Variants in ZC3H12B observed in about 807,000 individuals in gnomAD.
ZC3H12B encodes zinc finger CCCH-type containing 12B, also known as probable ribonuclease ZC3H12B.
Under a neutral mutation model 43.9 loss-of-function variants are expected in ZC3H12B, and 7 were observed. The ratio of observed to expected loss-of-function variants is 0.16; its 90% CI spans 0.09 to 0.30. The LOEUF (loss-of-function observed/expected upper bound fraction) is 0.30, where lower values mean the gene tolerates loss of function less well. Ranked by LOEUF, ZC3H12B falls within the 10% of genes least tolerant of loss-of-function variation. ZC3H12B has a pLI of 1.00. For synonymous variants in ZC3H12B, 222 were observed against 241.7 expected (o/e 0.92, Z 0.76); for missense variants, 475 against 670.2 (o/e 0.71, Z 3.22).
chrX:65,153,123 A>C, the ZC3H12B span, among the ~76,000 whole-genome samples: 1 of 112,369 alleles, frequency 8.9e-6, no homozygotes, highest in African/African-American at 3.2e-5. Context: ...CTAAAACCAT[A>C]AAAACCCTAG....
chrX:65,187,653 T>C, the ZC3H12B span, among the ~76,000 whole-genome samples: 1 of 109,306 alleles, frequency 9.1e-6, no homozygotes, highest in East Asian at 2.9e-4. Flanking sequence ...TTATTGATTT[T>C]ACTTTTTTTT....
the ZC3H12B span, among the ~76,000 whole-genome samples, chrX:65,157,907 T>G: frequency 1.1e-5 from 1 of 91,159 alleles, no homozygotes; most frequent in Non-Finnish European, 2.3e-5. Context: ...TATCTCCTAA[T>G]GCTATCCCTC....
At chrX:65,206,313 G>A in the ZC3H12B span, among the ~76,000 whole-genome samples, 2 of 111,771 alleles carry the variant, frequency 1.8e-5, no homozygotes, top group East Asian at 2.8e-4. Context: ...ATAAAAATAG[G>A]CACATAAAAC....
chrX:65,153,748 A>C, the ZC3H12B span, among the ~76,000 whole-genome samples: 2 of 111,903 alleles, frequency 1.8e-5, no homozygotes, highest in Non-Finnish European at 3.8e-5. Context: ...CCAAAGGACT[A>C]TAAATCATGC....
chrX:65,261,820 A>G, the ZC3H12B span, among the ~76,000 whole-genome samples: 1 of 111,386 alleles, frequency 9.0e-6, no homozygotes, highest in African/African-American at 3.3e-5. Flanking sequence ...GTAAATATCT[A>G]GATATGTCAA....
chrX:65,346,134 G>A, the ZC3H12B span, among the ~76,000 whole-genome samples: 1 of 110,478 alleles, frequency 9.1e-6, no homozygotes, highest in Non-Finnish European at 1.9e-5. Context: ...AAATTCATAT[G>A]GAACCAAAGA....
At chrX:65,125,179 G>A in the ZC3H12B span, among the ~76,000 whole-genome samples, 1 of 111,364 alleles carries the variant, frequency 9.0e-6, no homozygotes, top group Admixed American at 9.6e-5. Context: ...TTGGTAAGTT[G>A]TGACACTATT....
At chrX:65,137,184 C>A in the ZC3H12B span, among the ~76,000 whole-genome samples, 1 of 111,443 alleles carries the variant, frequency 9.0e-6, no homozygotes, top group Non-Finnish European at 1.9e-5. Context: ...TAAAAAAAAT[C>A]AGTTTTTATA....
chrX:65,506,878 C>T (rs186127769), exon 5 of ZC3H12B: 2 of 110,970 alleles, frequency 1.8e-5, no homozygotes, highest in East Asian at 5.7e-4. Flanking sequence ...GGGAGAATGA[C>T]AGATGCCTTA....
the ZC3H12B span, among the ~76,000 whole-genome samples, chrX:65,098,225 TACACACACAC>T: frequency 6.2e-5 from 6 of 96,178 alleles, no homozygotes; most frequent in South Asian, 9.3e-4. Flanking sequence ...CATGTCTTAG[TACACACACAC>T]ACACACACAC....
At chrX:65,220,240 C>T in the ZC3H12B span, among the ~76,000 whole-genome samples, 1 of 111,628 alleles carries the variant, frequency 9.0e-6, no homozygotes, top group Admixed American at 9.6e-5. Flanking sequence ...TACACCAAAA[C>T]AGAATTTCCC....
the ZC3H12B span, among the ~76,000 whole-genome samples, chrX:65,343,595 A>T: frequency 8.9e-6 from 1 of 112,570 alleles, no homozygotes; most frequent in South Asian, 3.6e-4. Context: ...ATCTCAAAAG[A>T]TGCAGAAAAC....
the ZC3H12B span, among the ~76,000 whole-genome samples, chrX:65,054,282 T>G: frequency 7.1e-5 from 8 of 111,967 alleles, no homozygotes; most frequent in East Asian, 2.0e-3. Flanking sequence ...AATTAATTTT[T>G]GTATAAGGTG....
chrX:65,376,440 G>A (rs950672053), intron 2 of ZC3H12B, among the ~76,000 whole-genome samples: 1 of 111,441 alleles, frequency 9.0e-6, no homozygotes, highest in Non-Finnish European at 1.9e-5. Context: ...GTGGTAGCCA[G>A]AGAGTGGTTA....
intron 3 of ZC3H12B, among the ~76,000 whole-genome samples, chrX:65,464,566 C>A (rs780286961): frequency 2.2e-3 from 243 of 110,490 alleles, no homozygotes; most frequent in African/African-American, 7.6e-3. Flanking sequence ...TCTTGTCAAA[C>A]AAACTACTTT....
chrX:65,237,573 T>G, the ZC3H12B span, among the ~76,000 whole-genome samples: 3 of 110,212 alleles, frequency 2.7e-5, no homozygotes, highest in Non-Finnish European at 5.7e-5. Flanking sequence ...TTGCCTGATT[T>G]TCCTGTCCAG....
intron 3 of ZC3H12B, among the ~76,000 whole-genome samples, chrX:65,472,205 G>A (rs1217800949): frequency 3.6e-5 from 4 of 111,159 alleles, no homozygotes; most frequent in Non-Finnish European, 7.6e-5. Context: ...TGTCTATTTA[G>A]GTCCTTTATT....
the ZC3H12B span, among the ~76,000 whole-genome samples, chrX:65,057,203 T>A: frequency 1.9e-4 from 21 of 112,058 alleles, no homozygotes; most frequent in Admixed American, 6.6e-4. Context: ...ATTTGGCATG[T>A]TTTTGCAGTG....
the ZC3H12B span, among the ~76,000 whole-genome samples, chrX:65,152,626 G>A: frequency 3.6e-5 from 4 of 111,373 alleles, no homozygotes; most frequent in African/African-American, 6.5e-5. Context: ...TCATGGGTAG[G>A]AAGAATCAAT....
Sources: allele counts gnomAD v4.1 joint callset (sites outside exome capture counted in the v4.1 genomes callset), GRCh38; gene constraint gnomAD v4.1.1; transcripts MANE v1.5; gene names NCBI Gene and HGNC (gene_info 2026-07-23, HGNC 2026-07-21).